The following MYO16 variants were observed in gnomAD, a reference collection of about 807,000 sequenced individuals.
MYO16 encodes the protein unconventional myosin-XVI.
MYO16 carries 94 observed loss-of-function variants against 205.3 expected under a neutral mutation model. The observed-to-expected ratio is 0.46, with a 90% CI of 0.39 to 0.54. The LOEUF (loss-of-function observed/expected upper bound fraction) is 0.54. Ranked by LOEUF, MYO16 falls within the 20% of genes least tolerant of loss-of-function variation. The probability of loss-of-function intolerance (pLI) is 0.00; values close to 1 mark genes in which losing one functional copy is unlikely to be tolerated. For missense variants in MYO16, 2,315 were observed against 2,387.5 expected (o/e 0.97, Z 0.63); for synonymous variants, 988 against 954.0 (o/e 1.04, Z -0.66).
At chr13:108,801,928 A>G (rs1025763624) in intron 6 of MYO16, among the ~76,000 whole-genome samples, 2 of 152,218 alleles carry the variant, frequency 1.3e-5, no homozygotes, top group Admixed American at 6.5e-5. Flanking sequence ...ATAAATTGCT[A>G]GGTACACAGT....
At chr13:108,975,288 G>T (rs1884211811) in intron 20 of MYO16, among the ~76,000 whole-genome samples, 1 of 151,944 alleles carries the variant, frequency 6.6e-6, no homozygotes, top group Non-Finnish European at 1.5e-5. Context: ...TTCCAGTCAG[G>T]TGTGTGTGTG....
chr13:108,501,576 C>T, the MYO16 span, among the ~76,000 whole-genome samples: 1 of 152,188 alleles, frequency 6.6e-6, no homozygotes, highest in Admixed American at 6.5e-5. Flanking sequence ...GTGCTCTTAG[C>T]ACCTTTTAAA....
chr13:108,740,165 TC>T (rs149366695), intron 4 of MYO16, among the ~76,000 whole-genome samples: 111,139 of 151,842 alleles, frequency 0.73, 41,282 homozygotes, highest in Non-Finnish European at 0.8. Context: ...CCAGCTTTGT[TC>T]CATTGTTGGC....
intron 27 of MYO16, among the ~76,000 whole-genome samples, chr13:109,090,321 G>T (rs551278108): frequency 6.6e-6 from 1 of 152,230 alleles, no homozygotes; most frequent in Non-Finnish European, 1.5e-5. Flanking sequence ...AAAAGCCATC[G>T]CAAGATATAG....
chr13:108,613,045 A>C (rs1317081711), intron 1 of MYO16, among the ~76,000 whole-genome samples: 1 of 152,172 alleles, frequency 6.6e-6, no homozygotes, highest in Non-Finnish European at 1.5e-5. Context: ...AGTAAAGCTA[A>C]GTGTACTTGT....
At chr13:108,905,769 A>ACTGTT (rs1566403531) in intron 15 of MYO16, among the ~76,000 whole-genome samples, 1 of 151,766 alleles carries the variant, frequency 6.6e-6, no homozygotes. Context: ...TCAGGAGCTT[A>ACTGTT]CTTTTCTTAA....
chr13:108,932,748 C>T (rs888968803), intron 16 of MYO16, among the ~76,000 whole-genome samples: 12 of 152,072 alleles, frequency 7.9e-5, no homozygotes, highest in African/African-American at 9.7e-5. Flanking sequence ...ACTTTTTGAT[C>T]GTCAGGCTTA....
chr13:108,960,274 C>CA (rs369076417), intron 17 of MYO16, among the ~76,000 whole-genome samples: 92,941 of 127,258 alleles, frequency 0.73, 32,390 homozygotes, highest in South Asian at 0.84. Context: ...AACCCTGTCT[C>CA]AAAAAAAAAA....
intron 34 of MYO16, among the ~76,000 whole-genome samples, chr13:109,200,989 C>T (rs1440444263): frequency 1.3e-5 from 2 of 151,954 alleles, no homozygotes; most frequent in African/African-American, 2.4e-5. Context: ...ACAGCATATG[C>T]CATAAGGAGA....
intron 1 of MYO16, among the ~76,000 whole-genome samples, chr13:108,632,897 T>C (rs572725668): frequency 6.6e-6 from 1 of 152,192 alleles, no homozygotes; most frequent in East Asian, 1.9e-4. Context: ...TTTAAGGCCA[T>C]GTGAGACTTG....
At chr13:109,154,170 C>T (rs117750242) in intron 32 of MYO16, among the ~76,000 whole-genome samples, 1,642 of 152,304 alleles carry the variant, frequency 0.011, 17 homozygotes, top group Middle Eastern at 0.034. Flanking sequence ...TGGCTGGGAG[C>T]CAGTGAGTGT....
At chr13:108,762,537 G>A (rs116741828) in intron 4 of MYO16, among the ~76,000 whole-genome samples, 1 of 152,228 alleles carries the variant, frequency 6.6e-6, no homozygotes, top group African/African-American at 2.4e-5. Context: ...ACAGGAGTAA[G>A]ATGATATCTC....
intron 2 of MYO16, among the ~76,000 whole-genome samples, chr13:108,687,635 A>G (rs1475597525): frequency 2.0e-5 from 3 of 152,262 alleles, no homozygotes; most frequent in African/African-American, 7.2e-5. Flanking sequence ...TCTAAAAAGA[A>G]CTTGATGTAT....
chr13:108,541,569 C>T, the MYO16 span, among the ~76,000 whole-genome samples: 2,008 of 151,948 alleles, frequency 0.013, 47 homozygotes, highest in African/African-American at 0.046. Context: ...TTCTTTTCAT[C>T]TTTCTTTTAA....
intron 4 of MYO16, among the ~76,000 whole-genome samples, chr13:108,779,284 G>A (rs561779851): frequency 1.3e-5 from 2 of 152,232 alleles, no homozygotes; most frequent in South Asian, 2.1e-4. Flanking sequence ...CATCCAGCCA[G>A]GATCCAGAAT....
intron 6 of MYO16, among the ~76,000 whole-genome samples, chr13:108,798,486 T>C (rs914808500): frequency 6.6e-6 from 1 of 152,114 alleles, no homozygotes; most frequent in African/African-American, 2.4e-5. Context: ...ATTATCTTCT[T>C]GTTAAATAGG....
At chr13:108,806,993 T>C (rs918877513) in intron 7 of MYO16, among the ~76,000 whole-genome samples, 189 bp downstream of exon 7, 1 of 152,204 alleles carries the variant, frequency 6.6e-6, no homozygotes, top group African/African-American at 2.4e-5. Context: ...ACATGTTCCT[T>C]ATGTATCTGA....
At position 108,888,399 on chromosome 13, in the gene MYO16, A is replaced by C. The variant is rs1880001341; in HGVS notation, c.1581A>C (p.Glu527Asp). ...LSGERGSGKS[E>D]ASKQIIRHLT... ...GAGAAAGGGGATCAGGAAAGTCTGAAGCCAGCAAACAAATCATAAGACACC... is the reference window on the plus strand; with the variant it reads ...GAGAAAGGGGATCAGGAAAGTCTGACGCCAGCAAACAAATCATAAGACACC... Residue 527 changes from glutamate to aspartate, a missense_variant, in exon 14 of 35, where the codon GAA becomes GAC. Glu to Asp is a conservative substitution (Grantham distance 45). Coordinates refer to ENST00000457511, the MANE Select transcript of MYO16 (RefSeq NM_001198950.3). The C allele has an allele frequency of 6.2e-7, 1 of 1,604,136 alleles. No individual in the cohort carries two copies. Among genetic ancestry groups the C allele is most frequent in the Non-Finnish European group, 8.5e-7 (1 of 1,175,730 alleles).
chr13:109,069,116 T>C (rs1334276569), intron 27 of MYO16, among the ~76,000 whole-genome samples: 1 of 152,122 alleles, frequency 6.6e-6, no homozygotes, highest in Non-Finnish European at 1.5e-5. Flanking sequence ...AATAATAAAA[T>C]CCCAATAGCC....
Sources: allele counts gnomAD v4.1 joint callset (sites outside exome capture counted in the v4.1 genomes callset), GRCh38; gene constraint gnomAD v4.1.1; transcripts MANE v1.5; gene names NCBI Gene and HGNC (gene_info 2026-07-23, HGNC 2026-07-21).